The following CACNA2D3 variants were observed in gnomAD, a reference collection of about 807,000 sequenced individuals.
The protein encoded by CACNA2D3 is calcium voltage-gated channel auxiliary subunit alpha2delta 3, also known as voltage-dependent calcium channel subunit alpha-2/delta-3.
CACNA2D3 carries 60 observed loss-of-function variants against 160.6 expected under a neutral mutation model. The observed-to-expected ratio is 0.37, with a 90% CI of 0.30 to 0.46. The LOEUF (loss-of-function observed/expected upper bound fraction) is 0.46, where lower values mean the gene tolerates loss of function less well. Ranked by LOEUF, CACNA2D3 falls within the 20% of genes least tolerant of loss-of-function variation. The pLI, the probability that CACNA2D3 is intolerant of heterozygous loss-of-function variation, is 1.00. For missense variants in CACNA2D3, 1,205 were observed against 1,365.0 expected (o/e 0.88, Z 1.85); for synonymous variants, 558 against 492.9 (o/e 1.13, Z -1.75).
chr3:54,365,677 A>G (rs1698816713), intron 3 of CACNA2D3, among the ~76,000 whole-genome samples: 1 of 152,168 alleles, frequency 6.6e-6, no homozygotes, highest in Non-Finnish European at 1.5e-5. Context: ...CAGCCTGACC[A>G]AAATGGAGAA....
chr3:54,437,754 C>T (rs1413480516), intron 4 of CACNA2D3, among the ~76,000 whole-genome samples: 1 of 152,218 alleles, frequency 6.6e-6, no homozygotes, highest in South Asian at 2.1e-4. Flanking sequence ...TTATTCATTG[C>T]AGCATGGATG....
chr3:54,557,398 T>C (rs1164623527), intron 5 of CACNA2D3, among the ~76,000 whole-genome samples: 1 of 152,134 alleles, frequency 6.6e-6, no homozygotes, highest in Admixed American at 6.5e-5. Context: ...CAGGGGGCAA[T>C]CTTAGATTTC....
chr3:54,844,336 TGGAG>T (rs1212848210), intron 16 of CACNA2D3, among the ~76,000 whole-genome samples: 1 of 151,892 alleles, frequency 6.6e-6, no homozygotes, highest in Admixed American at 6.6e-5. Flanking sequence ...TATTTGGTGG[TGGAG>T]GGAGGGCAAA....
chr3:54,924,588 A>T (rs749755302), intron 27 of CACNA2D3: 1 of 1,532,856 alleles, frequency 6.5e-7, no homozygotes, highest in South Asian at 1.1e-5. Flanking sequence ...GGTAACACAC[A>T]GATGGGGGGT....
intron 5 of CACNA2D3, among the ~76,000 whole-genome samples, chr3:54,509,756 C>A (rs1337406804): frequency 6.6e-6 from 1 of 152,198 alleles, no homozygotes; most frequent in African/African-American, 2.4e-5. Flanking sequence ...CCACAGCTGT[C>A]ATCCCAAATT....
At chr3:54,801,558 A>G (rs1416501833) in intron 13 of CACNA2D3, among the ~76,000 whole-genome samples, 2 of 152,220 alleles carry the variant, frequency 1.3e-5, no homozygotes, top group African/African-American at 4.8e-5. Context: ...GTAACTTATT[A>G]CATATTCAAA....
chr3:54,641,042 GAAAA>G (rs199499230), intron 10 of CACNA2D3, among the ~76,000 whole-genome samples: 3 of 132,766 alleles, frequency 2.3e-5, no homozygotes, highest in South Asian at 5.1e-4. Flanking sequence ...GGATCTATTG[GAAAA>G]AAAAAAAAAA....
chr3:54,658,261 C>G (rs1476614050), intron 11 of CACNA2D3, among the ~76,000 whole-genome samples: 1 of 152,208 alleles, frequency 6.6e-6, no homozygotes, highest in Non-Finnish European at 1.5e-5. Flanking sequence ...AATCTCCATA[C>G]TGTTTTCATA....
At chr3:54,610,598 C>T (rs1285811976) in intron 9 of CACNA2D3, among the ~76,000 whole-genome samples, 1 of 151,906 alleles carries the variant, frequency 6.6e-6, no homozygotes, top group Non-Finnish European at 1.5e-5. Flanking sequence ...TTTTCCAGGA[C>T]CCATGTTTTG....
At chr3:54,239,660 A>G (rs1701941735) in intron 2 of CACNA2D3, among the ~76,000 whole-genome samples, 1 of 152,200 alleles carries the variant, frequency 6.6e-6, no homozygotes, top group South Asian at 2.1e-4. Context: ...TCATCACTTC[A>G]CTTCCTAAAA....
At chr3:54,317,159 G>A (rs1703881842) in intron 2 of CACNA2D3, among the ~76,000 whole-genome samples, 1 of 152,206 alleles carries the variant, frequency 6.6e-6, no homozygotes, top group African/African-American at 2.4e-5. Flanking sequence ...TAGCTCCAAA[G>A]ATATTGGCTT....
At chr3:54,450,530 G>T (rs1302870383) in intron 4 of CACNA2D3, among the ~76,000 whole-genome samples, 1 of 152,072 alleles carries the variant, frequency 6.6e-6, no homozygotes, top group Non-Finnish European at 1.5e-5. Flanking sequence ...GATCCCTCAT[G>T]AATAGATTAA....
chr3:54,231,684 A>G (rs1701772034), intron 2 of CACNA2D3, among the ~76,000 whole-genome samples: 1 of 152,374 alleles, frequency 6.6e-6, no homozygotes, highest in African/African-American at 2.4e-5. Context: ...GTAATAAACT[A>G]CTATTAGGTA....
At chr3:54,999,301 A>G (rs909734714) in intron 31 of CACNA2D3, among the ~76,000 whole-genome samples, 2 of 152,166 alleles carry the variant, frequency 1.3e-5, no homozygotes, top group Admixed American at 6.5e-5. Context: ...CTGAGATGTA[A>G]GAATGAGTAA....
intron 4 of CACNA2D3, among the ~76,000 whole-genome samples, chr3:54,389,608 A>G (rs1699246865): frequency 6.6e-6 from 1 of 152,210 alleles, no homozygotes; most frequent in South Asian, 2.1e-4. Flanking sequence ...GTGCCTCCAG[A>G]TGTGATGACT....
intron 11 of CACNA2D3, among the ~76,000 whole-genome samples, chr3:54,734,005 G>T (rs1323444268): frequency 6.6e-6 from 1 of 151,836 alleles, no homozygotes; most frequent in Non-Finnish European, 1.5e-5. Flanking sequence ...TTCGGAGTTT[G>T]ACTTTGGATG....
At chr3:54,129,382 C>G (rs1488836637) in intron 2 of CACNA2D3, among the ~76,000 whole-genome samples, 2 of 152,130 alleles carry the variant, frequency 1.3e-5, no homozygotes, top group Non-Finnish European at 2.9e-5. Flanking sequence ...CTTCCATTTG[C>G]TTTGAACAAC....
At chr3:54,133,900 C>T (rs114046282) in intron 2 of CACNA2D3, among the ~76,000 whole-genome samples, 1,911 of 152,214 alleles carry the variant, frequency 0.013, 36 homozygotes, top group African/African-American at 0.042. Context: ...GGATTCTTAG[C>T]GTTCAGGGCC....
chr3:54,541,087 C>A (rs953677939), intron 5 of CACNA2D3, among the ~76,000 whole-genome samples: 2 of 151,856 alleles, frequency 1.3e-5, no homozygotes, highest in Non-Finnish European at 2.9e-5. Flanking sequence ...ACCATCCTGG[C>A]TAACATGGTG....
Sources: allele counts gnomAD v4.1 joint callset (sites outside exome capture counted in the v4.1 genomes callset), GRCh38; gene constraint gnomAD v4.1.1; transcripts MANE v1.5; gene names NCBI Gene and HGNC (gene_info 2026-07-23, HGNC 2026-07-21).